The following DSE variants were observed in gnomAD, a reference collection of about 807,000 sequenced individuals.
DSE encodes the protein dermatan-sulfate epimerase.
A neutral mutation model predicts 84.4 loss-of-function variants in DSE; 36 were observed. The ratio of observed to expected loss-of-function variants is 0.43; its 90% CI spans 0.33 to 0.56. DSE has a LOEUF of 0.56. Ranked by LOEUF, DSE falls within the 20% of genes least tolerant of loss-of-function variation. The probability of loss-of-function intolerance (pLI) is 0.06; values close to 1 mark genes in which losing one functional copy is unlikely to be tolerated. For synonymous variants in DSE, 410 were observed against 430.1 expected, an observed-to-expected ratio of 0.95 and a Z score of 0.58; for missense variants, 862 against 1,169.6, an observed-to-expected ratio of 0.74 and a Z score of 3.84.
At chr6:116,425,149 A>G (rs1783349455) in intron 2 of DSE, among the ~76,000 whole-genome samples, 3 of 152,204 alleles carry the variant, frequency 2.0e-5, no homozygotes, top group Admixed American at 6.5e-5. Context: ...AAATGTTGGT[A>G]TTTCATGCCT....
At chr6:116,355,525 TA>T (rs1778524711) in intron 2 of DSE, among the ~76,000 whole-genome samples, 1 of 152,320 alleles carries the variant, frequency 6.6e-6, no homozygotes, top group African/African-American at 2.4e-5. Context: ...CCTAGTAGAG[TA>T]GCTTCCTTTG....
chr6:116,431,898 T>C (rs1430713634), intron 4 of DSE, among the ~76,000 whole-genome samples: 1 of 152,178 alleles, frequency 6.6e-6, no homozygotes, highest in South Asian at 2.1e-4. Context: ...GAAAATTTTA[T>C]CAGGATAGAT....
intron 2 of DSE, among the ~76,000 whole-genome samples, chr6:116,342,924 G>A (rs1024616517): frequency 6.6e-6 from 1 of 152,180 alleles, no homozygotes; most frequent in Non-Finnish European, 1.5e-5. Context: ...ATGGTACCTG[G>A]AAAATCGGGA....
chr6:116,357,286 A>C (rs1778634717), intron 2 of DSE, among the ~76,000 whole-genome samples: 1 of 152,150 alleles, frequency 6.6e-6, no homozygotes, highest in Non-Finnish European at 1.5e-5. Flanking sequence ...TAATCCCAGC[A>C]CTTTGGGAGG....
chr6:116,273,617 G>A (rs1772978906), intron 2 of DSE, among the ~76,000 whole-genome samples: 1 of 152,022 alleles, frequency 6.6e-6, no homozygotes, highest in African/African-American at 2.4e-5. Context: ...TCCTCTCTGA[G>A]TTTGCTTGTG....
At chr6:116,420,748 T>A (rs1471558873) in intron 2 of DSE, among the ~76,000 whole-genome samples, 1 of 152,222 alleles carries the variant, frequency 6.6e-6, no homozygotes, top group Non-Finnish European at 1.5e-5. Flanking sequence ...TTCTATAGAC[T>A]GTCTATATCA....
intron 1 of DSE, among the ~76,000 whole-genome samples, chr6:116,375,877 G>A (rs915926516): frequency 6.6e-6 from 1 of 151,978 alleles, no homozygotes; most frequent in Non-Finnish European, 1.5e-5. Flanking sequence ...TAGAGCTAGT[G>A]TCTTACCCTC....
chr6:116,381,139 A>G (rs1414272034), intron 1 of DSE, among the ~76,000 whole-genome samples: 1 of 152,140 alleles, frequency 6.6e-6, no homozygotes, highest in Non-Finnish European at 1.5e-5. Flanking sequence ...ATGGGTTCCC[A>G]GGGGAGATTG....
At chr6:116,284,657 C>T (rs1201832505) in intron 2 of DSE, among the ~76,000 whole-genome samples, 21 of 93,898 alleles carry the variant, frequency 2.2e-4, no homozygotes, top group African/African-American at 6.2e-4. Flanking sequence ...TGCTATCCCT[C>T]CCCCCTCCCC....
intron 2 of DSE, among the ~76,000 whole-genome samples, chr6:116,296,429 G>A (rs780255488): frequency 6.6e-6 from 1 of 152,140 alleles, no homozygotes; most frequent in Non-Finnish European, 1.5e-5. Flanking sequence ...CCTATTAGGA[G>A]TTTATATTTT....
chr6:116,402,555 G>A (rs1172981371), intron 2 of DSE, among the ~76,000 whole-genome samples: 2 of 152,068 alleles, frequency 1.3e-5, no homozygotes, highest in Non-Finnish European at 1.5e-5. Flanking sequence ...TGAGAATAAT[G>A]ACAATAATGG....
intron 2 of DSE, among the ~76,000 whole-genome samples, chr6:116,359,022 T>G (rs1407113135): frequency 6.6e-6 from 1 of 152,240 alleles, no homozygotes. Context: ...TTGCAATCTA[T>G]TAGTGGGTCT....
chr6:116,319,179 G>A (rs1366496245), intron 2 of DSE, among the ~76,000 whole-genome samples: 2 of 152,164 alleles, frequency 1.3e-5, no homozygotes, highest in Non-Finnish European at 2.9e-5. Flanking sequence ...GAATAAACAT[G>A]GCTAATTACT....
At chr6:116,314,924 G>A (rs1469701581) in intron 2 of DSE, among the ~76,000 whole-genome samples, 4 of 152,314 alleles carry the variant, frequency 2.6e-5, no homozygotes, top group Admixed American at 1.3e-4. Flanking sequence ...TGCTTCTGAT[G>A]TGTGGCACCA....
intron 2 of DSE, among the ~76,000 whole-genome samples, chr6:116,407,769 A>T (rs1782029270): frequency 6.6e-6 from 1 of 152,252 alleles, no homozygotes; most frequent in Admixed American, 6.5e-5. Flanking sequence ...TTTGATAAAT[A>T]AAAAAGATCA....
upstream of DSE, chr6:116,366,255 C>T (rs1306128544): frequency 6.6e-6 from 1 of 152,222 alleles, no homozygotes; most frequent in Admixed American, 6.5e-5. Context: ...TGTTCAACTT[C>T]AAAGTCCTTG....
At chr6:116,363,519 A>G (rs1779017111) in intron 2 of DSE, among the ~76,000 whole-genome samples, 1 of 152,178 alleles carries the variant, frequency 6.6e-6, no homozygotes, top group South Asian at 2.1e-4. Flanking sequence ...AAATTGATTC[A>G]TGCAATAAAA....
At chr6:116,279,281 C>T in intron 2 of DSE, 1 of 1,572,324 alleles carries the variant, frequency 6.4e-7, no homozygotes, top group African/African-American at 1.7e-5. Context: ...TCCATTACCT[C>T]CTTCTCCGCC....
chr6:116,400,684 G>A (rs1257889288), intron 2 of DSE: 1 of 152,174 alleles, frequency 6.6e-6, no homozygotes, highest in Non-Finnish European at 1.5e-5. Flanking sequence ...CTAAGTACAT[G>A]TAGTCATTTT....
Sources: gnomAD v4.1 joint callset for allele counts (sites outside exome capture counted in the v4.1 genomes callset) on GRCh38, gnomAD v4.1.1 for gene constraint, MANE v1.5 for transcripts, NCBI Gene and HGNC (gene_info 2026-07-23, HGNC 2026-07-21) for gene names.